The following SHISA5 variants were observed in gnomAD, a reference collection of about 807,000 sequenced individuals.
SHISA5 encodes the protein shisa family member 5.
SHISA5 carries 21 observed loss-of-function variants against 27.5 expected under a neutral mutation model. The observed-to-expected ratio is 0.76, with a 90% confidence interval of 0.54 to 1.10. The LOEUF is 1.10. Ranked by LOEUF, SHISA5 falls within the 50% of genes least tolerant of loss-of-function variation. The probability of loss-of-function intolerance (pLI) is 0.00; values close to 1 mark genes in which losing one functional copy is unlikely to be tolerated. For synonymous variants in SHISA5, 137 were observed against 142.2 expected (o/e 0.96, Z 0.26); for missense variants, 314 against 336.3 (o/e 0.93, Z 0.52).
In SHISA5 at chr3:48,473,761, C is replaced by T. The variant is rs180847512; in HGVS notation, c.315-3918G>A. Reference sequence around the variant, plus strand: ...TTTCCTGTGTATGTATTATAGTTGACAATAAAAGAAGAAAAGAGGCCATGT... The same window carrying T: ...TTTCCTGTGTATGTATTATAGTTGATAATAAAAGAAGAAAAGAGGCCATGT... On this transcript the variant is annotated intron_variant, in intron 3 of 5. Transcript: ENST00000296444. The surrounding 1 kb of genome is among the most constrained non-coding windows in gnomAD (Gnocchi z 4.3). 2.7e-4 allele frequency among the ~76,000 whole-genome samples: 41 copies of T among 152,128 alleles called. No individual in the cohort carries two copies. Among genetic ancestry groups the T allele is most frequent in the Non-Finnish European group, 3.1e-4 (21 of 68,000 alleles).
intron 3 of SHISA5, among the ~76,000 whole-genome samples, chr3:48,474,822 C>A (rs2040765338): frequency 6.6e-6 from 1 of 152,130 alleles, no homozygotes; most frequent in Non-Finnish European, 1.5e-5. Flanking sequence ...CAGCTCAGCC[C>A]TTTCCTCCTT....
chr3:48,475,352 G>A (rs1451267041), intron 3 of SHISA5, among the ~76,000 whole-genome samples: 1 of 152,018 alleles, frequency 6.6e-6, no homozygotes, highest in African/African-American at 2.4e-5. Context: ...AGGCAGAGTC[G>A]GCCCAAGCAG....
chr3:48,503,152 C>T lies in SHISA5; in HGVS notation c.76+867G>A, dbSNP rs1031071162. 8.1e-5 allele frequency: 105 copies of T among 1,289,712 alleles called. 1 individual carries two copies. The highest frequency in any genetic ancestry group is 1.0e-4 in the Non-Finnish European group (102 of 988,880). The allele number at this position is 1,289,712 out of a possible 1,614,324, so 79.9% of individuals were successfully genotyped here. A position where few individuals can be genotyped will look rare whatever the true frequency, so the allele number is the denominator to read the frequency against. ...CTGGTGGCTCAGGTGAACCCATATG[C>T]AGCAAGGTCTTCACAGCCCAATCTG... On this transcript the variant is annotated intron_variant, in intron 1 of 5. Coordinates refer to ENST00000296444, the MANE Select transcript of SHISA5 (RefSeq NM_016479.6).
chr3:48,469,608 T>G lies in SHISA5; in HGVS notation c.431-35A>C, dbSNP rs768060799. 1.9e-5 allele frequency: 31 copies of G among 1,592,730 alleles called. No individual in the cohort carries two copies. The Admixed American group carries it at 2.9e-4, about 15-fold the overall frequency. On this transcript the variant is annotated intron_variant, in intron 4 of 5. Transcript: ENST00000296444. The surrounding 1 kb of genome is among the most constrained non-coding windows in gnomAD (Gnocchi z 4.6). ...GAATTCCAGTCAGGACCCTCCTCCA[T>G]CTCCCCAGGTCTTGAGAGCCAGGCT...
At chr3:48,504,478 G>A (rs1379154811), upstream of SHISA5, 5 of 182,192 alleles carry the variant, frequency 2.7e-5, no homozygotes, top group Non-Finnish European at 4.5e-5. The surrounding 1 kb of genome is among the most constrained non-coding windows in gnomAD (Gnocchi z 4.0). Flanking sequence ...GGGCGTCCCC[G>A]GGAATATGCA....
chr3:48,486,836 C>T (rs947967650), intron 2 of SHISA5, among the ~76,000 whole-genome samples: 2 of 150,000 alleles, frequency 1.3e-5, no homozygotes, highest in Non-Finnish European at 3.0e-5. Flanking sequence ...AGGAGAATCA[C>T]TTGAACCCGG....
rs116576450 is a variant in SHISA5, at chr3:48,479,596, T to A, written c.234-339A>T. ...CACATTGCCACAAAGTTTATTATAA[T>A]TTTTTTTTGTTTTTGAGATGGAGTC... On this transcript the variant is annotated intron_variant, in intron 2 of 5. Coordinates refer to ENST00000296444, the MANE Select transcript of SHISA5 (RefSeq NM_016479.6). 9.2e-3 allele frequency: 2,173 copies of A among 237,166 alleles called. 32 individuals are homozygous for A. Among genetic ancestry groups the A allele is most frequent in the African/African-American group, 0.045 (1,995 of 44,480 alleles). 14.7% of individuals were successfully genotyped at this position (237,166 alleles called of 1,614,324 possible).
chr3:48,487,818 C>G (rs186750306), intron 2 of SHISA5, among the ~76,000 whole-genome samples: 7 of 152,150 alleles, frequency 4.6e-5, no homozygotes, highest in Non-Finnish European at 1.0e-4. Context: ...ATCGCTTGAA[C>G]CTGGGAGGCA....
rs777826133 is a variant in SHISA5 at position 48,469,095 on chromosome 3, G to T, written c.*12C>A. ...ACATAACCAAGTGGCAGCCAGAGAG[G>T]CCAGGGAATGCTCAGAGGGCCGCCT... On this transcript the variant is annotated 3_prime_UTR_variant, in exon 6 of 6. Coordinates refer to ENST00000296444, the MANE Select transcript of SHISA5 (RefSeq NM_016479.6). The surrounding 1 kb of genome is among the most constrained non-coding windows in gnomAD (Gnocchi z 4.6). The T allele has an allele frequency of 6.2e-7, 1 of 1,612,804 alleles. No homozygotes were observed. The highest frequency in any genetic ancestry group is 1.1e-5 in the South Asian group (1 of 91,084).
At chr3:48,471,068 C>G (rs971632218) in intron 3 of SHISA5, among the ~76,000 whole-genome samples, 1 of 152,050 alleles carries the variant, frequency 6.6e-6, no homozygotes, top group Non-Finnish European at 1.5e-5. Context: ...CACTCTGTTG[C>G]CCAGGCTGGA....
chr3:48,486,781 G>A (rs1182881259), intron 2 of SHISA5, among the ~76,000 whole-genome samples: 2 of 149,396 alleles, frequency 1.3e-5, no homozygotes, highest in Admixed American at 6.8e-5. Context: ...GCATGGTGGC[G>A]CATGCCTGTA....
chr3:48,491,077 C>G (rs1322500468), intron 2 of SHISA5, among the ~76,000 whole-genome samples: 1 of 149,706 alleles, frequency 6.7e-6, no homozygotes, highest in African/African-American at 2.5e-5. Flanking sequence ...CTCCCAACCC[C>G]CCGCCCTTTG....
At chr3:48,493,931 G>T (rs1315203882) in intron 2 of SHISA5, among the ~76,000 whole-genome samples, 1 of 147,666 alleles carries the variant, frequency 6.8e-6, no homozygotes, top group Non-Finnish European at 1.5e-5. Context: ...GAGGTAATTA[G>T]CATATGCATT....
intron 2 of SHISA5, among the ~76,000 whole-genome samples, chr3:48,488,857 A>C (rs1575324429): frequency 6.6e-6 from 1 of 151,950 alleles, no homozygotes; most frequent in East Asian, 1.9e-4. Flanking sequence ...AAAAAGTGAA[A>C]AAAGAGAAAT....
chr3:48,495,757 G>C lies in SHISA5; in HGVS notation c.233+5380C>G, dbSNP rs36174261. 1.7e-3 allele frequency among the ~76,000 whole-genome samples: 244 copies of C among 147,398 alleles called. 5 individuals carry two copies. Among genetic ancestry groups the C allele is most frequent in the Non-Finnish European group, 2.8e-3 (189 of 67,794 alleles). On this transcript the variant is annotated intron_variant, in intron 2 of 5. Coordinates refer to ENST00000296444, the MANE Select transcript of SHISA5 (RefSeq NM_016479.6). ...AGCCTGATCTCGAACTCCAGACCTC[G>C]TGATCTGCCCACCTCAGCCTTCCAA...
At position 48,468,183 on chromosome 3, in the gene SHISA5, C is replaced by T. The variant is rs1329584879; in HGVS notation, c.*924G>A. 7 of 999,800 alleles carry T rather than the reference C, an allele frequency of 7.0e-6. No individual in the cohort carries two copies. Among genetic ancestry groups the T allele is most frequent in the Admixed American group, 1.0e-4 (2 of 19,072 alleles). 61.9% of individuals were successfully genotyped at this position (999,800 alleles called of 1,614,324 possible). On this transcript the variant is annotated 3_prime_UTR_variant, in exon 6 of 6. Transcript: ENST00000296444. ...AGGTTGTCCATCTCTGAGCCAATTT[C>T]CCTCCACAACCCAGGGGTTTCAGTC...
chr3:48,474,461 C>T (rs1350826332), intron 3 of SHISA5, among the ~76,000 whole-genome samples: 5 of 151,748 alleles, frequency 3.3e-5, no homozygotes, highest in Admixed American at 1.3e-4. Context: ...CTCAGCCTCC[C>T]GAGAAGCTGG....
At chr3:48,493,619 C>T (rs2041485783) in intron 2 of SHISA5, among the ~76,000 whole-genome samples, 1 of 141,454 alleles carries the variant, frequency 7.1e-6, no homozygotes, top group African/African-American at 3.0e-5. Flanking sequence ...CAACCTCTGC[C>T]CACCGGGTTC....
chr3:48,477,100 T>C (rs1279506788), intron 3 of SHISA5: 3 of 429,838 alleles, frequency 7.0e-6, no homozygotes, highest in Non-Finnish European at 1.4e-5. Context: ...ATCTATAACA[T>C]TGAGAAAAAA....
Sources: gnomAD v4.1 joint callset for allele counts (sites outside exome capture counted in the v4.1 genomes callset) on GRCh38, gnomAD v4.1.1 for gene constraint, Gnocchi (gnomAD v3.1) non-coding constraint, MANE v1.5 for transcripts, NCBI Gene and HGNC (gene_info 2026-07-23, HGNC 2026-07-21) for gene names.